The following SEZ6 variants were observed in gnomAD, a reference collection of about 807,000 sequenced individuals.
SEZ6 encodes the protein seizure protein 6 homolog.
In SEZ6, 53 loss-of-function variants were observed where a neutral mutation model predicts 101.0. The observed-to-expected ratio is 0.52, with a 90% CI of 0.42 to 0.66. The LOEUF is 0.66. Among genes scored for constraint, SEZ6 ranks in the 30% least tolerant of loss-of-function variants. SEZ6 has a pLI of 0.00. For missense variants in SEZ6, 1,102 were observed against 1,289.4 expected (o/e 0.85, Z 2.23); for synonymous variants, 488 against 512.2 (o/e 0.95, Z 0.64).
At position 28,969,746 on chromosome 17, in the gene SEZ6, C is replaced by G. The variant is rs563638450; in HGVS notation, c.1054+11G>C. 1.5e-4 allele frequency: 219 copies of G among 1,475,936 alleles called. 1 individual carries two copies. In the East Asian group the frequency reaches 5.6e-3, roughly 38 times the overall value. The allele number at this position is 1,475,936 out of a possible 1,614,324, so 91.4% of individuals were successfully genotyped here. ...CTGGGCTGGTTCCACCTTCAACTAC[C>G]CAGGCCTTACCTTGGTAATGGAAAT... On this transcript the variant is annotated intron_variant, in intron 4 of 16. Transcript: ENST00000317338.
Position 29,005,645 on chromosome 17 carries a change from C to T in SEZ6, c.55+170G>A, listed in dbSNP as rs2041678202. On this transcript the variant is annotated intron_variant, in intron 1 of 16. Transcript: ENST00000317338. The surrounding 1 kb of genome is among the most constrained non-coding windows in gnomAD (Gnocchi z 4.8). ...GGGAGCCGCGGCAGCTTCCCGCCCG[C>T]GAAGCCCGCGCCCCGCCCGGCTTGG... 6.6e-6 allele frequency among the ~76,000 whole-genome samples: 1 copy of T among 151,180 alleles called. No individual in the cohort carries two copies. The highest frequency in any genetic ancestry group is 2.1e-4 in the South Asian group (1 of 4,832).
chr17:28,990,896 T>C (rs1249903968), intron 1 of SEZ6, among the ~76,000 whole-genome samples: 1 of 150,574 alleles, frequency 6.6e-6, no homozygotes, highest in African/African-American at 2.4e-5. Context: ...TGGTCTCTCA[T>C]TTATTTATTT....
upstream of SEZ6, chr17:29,006,156 T>C (rs567369477): frequency 7.6e-4 from 195 of 257,218 alleles, 1 homozygote; most frequent in African/African-American, 3.9e-3. Context: ...GAGCCCAGGC[T>C]CCCGCTCCAC....
intron 4 of SEZ6, among the ~76,000 whole-genome samples, chr17:28,966,078 G>A (rs897321734): frequency 2.0e-5 from 3 of 151,836 alleles, no homozygotes; most frequent in East Asian, 1.9e-4. Flanking sequence ...GGGAGATGGA[G>A]GTTGCAGTGA....
chr17:28,982,298 A>G (rs2041320066), intron 1 of SEZ6, among the ~76,000 whole-genome samples: 2 of 152,130 alleles, frequency 1.3e-5, no homozygotes, highest in Non-Finnish European at 2.9e-5. Context: ...ACTATTTCCT[A>G]CTGTTCTCAG....
intron 1 of SEZ6, among the ~76,000 whole-genome samples, chr17:28,996,830 C>T (rs184835683): frequency 7.2e-5 from 11 of 152,300 alleles, no homozygotes; most frequent in Admixed American, 7.2e-4. Context: ...TCCCTTGTCT[C>T]CACCTTGTTT....
chr17:28,959,613 C>T lies in SEZ6; in HGVS notation c.1771+85G>A, dbSNP rs891046333. On this transcript the variant is annotated intron_variant, in intron 8 of 16. Coordinates refer to ENST00000317338, the MANE Select transcript of SEZ6 (RefSeq NM_178860.5). This position sits in a 1 kb window ranked among gnomAD's most constrained non-coding sequence, Gnocchi z 4.4. The stretch of plus-strand genomic sequence containing the variant: ...AGCCTGAACCACGCATATCACAGGG[C>T]CCCTGTGGCCCCGGGCTCTGCTGCT... 14 of 1,529,262 alleles carry T rather than the reference C, an allele frequency of 9.2e-6. No individual in the cohort carries two copies. The highest frequency in any genetic ancestry group is 2.7e-5 in the African/African-American group (2 of 72,942). 94.7% of individuals were successfully genotyped at this position (1,529,262 alleles called of 1,614,324 possible).
At chr17:28,979,315 A>G (rs2041265651) in intron 3 of SEZ6, among the ~76,000 whole-genome samples, 1 of 152,132 alleles carries the variant, frequency 6.6e-6, no homozygotes, top group Admixed American at 6.5e-5. Flanking sequence ...ACCCAGAGGA[A>G]CTGCTCAGAG....
At chr17:29,000,171 C>T (rs1289154579) in intron 1 of SEZ6, among the ~76,000 whole-genome samples, 1 of 152,194 alleles carries the variant, frequency 6.6e-6, no homozygotes, top group Non-Finnish European at 1.5e-5. Context: ...ATTGTTGTTG[C>T]TATTATTTGG....
chr17:28,990,344 G>A lies in SEZ6; in HGVS notation c.56-8305C>T, dbSNP rs1333293245. ...AGTGGCATGGTCTTGGCTTGCTGCAGCCTTGACCTCCCAGGCTCAGGTGAT... is the reference window on the plus strand; with the variant it reads ...AGTGGCATGGTCTTGGCTTGCTGCAACCTTGACCTCCCAGGCTCAGGTGAT... On this transcript the variant is annotated intron_variant, in intron 1 of 16. Transcript: ENST00000317338. 2.0e-5 allele frequency among the ~76,000 whole-genome samples: 3 copies of A among 151,946 alleles called. No homozygotes were observed. The East Asian group carries it at 5.8e-4, about 29-fold the overall frequency.
chr17:28,988,542 C>T (rs2041414609), intron 1 of SEZ6, among the ~76,000 whole-genome samples: 1 of 152,234 alleles, frequency 6.6e-6, no homozygotes, highest in East Asian at 1.9e-4. Flanking sequence ...GGCCATGCCC[C>T]ATCACAGCCC....
chr17:29,001,975 CAG>C (rs1260376259), intron 1 of SEZ6, among the ~76,000 whole-genome samples: 1 of 152,192 alleles, frequency 6.6e-6, no homozygotes, highest in African/African-American at 2.4e-5. Flanking sequence ...CCAGAGAGGA[CAG>C]GGGTATATGT....
intron 3 of SEZ6, among the ~76,000 whole-genome samples, chr17:28,972,852 G>A (rs1162747138): frequency 1.3e-5 from 2 of 152,228 alleles, no homozygotes; most frequent in Non-Finnish European, 2.9e-5. Flanking sequence ...CAGGGAAAGT[G>A]CCTGAAGCAG....
intron 3 of SEZ6, among the ~76,000 whole-genome samples, chr17:28,975,674 C>G (rs932768323): frequency 2.0e-5 from 3 of 152,226 alleles, no homozygotes; most frequent in Admixed American, 2.0e-4. Flanking sequence ...AGAAATTCCA[C>G]CCAACTGACC....
chr17:28,974,023 A>C (rs948761734), intron 3 of SEZ6, among the ~76,000 whole-genome samples: 2 of 152,160 alleles, frequency 1.3e-5, no homozygotes, highest in African/African-American at 4.8e-5. Context: ...GGAGGTGGGA[A>C]GGATTCAGGT....
At chr17:28,972,167 G>A (rs2041160323) in intron 3 of SEZ6, among the ~76,000 whole-genome samples, 1 of 152,214 alleles carries the variant, frequency 6.6e-6, no homozygotes. Flanking sequence ...CCCAGGCTAG[G>A]CCAGCAGTCC....
intron 1 of SEZ6, among the ~76,000 whole-genome samples, chr17:28,984,022 T>C (rs2041345402): frequency 6.6e-6 from 1 of 152,176 alleles, no homozygotes; most frequent in Non-Finnish European, 1.5e-5. Context: ...TCAGAGGAGC[T>C]TGGGCACCCC....
rs1220031349 is a variant in SEZ6 at position 28,959,731 on chromosome 17, G to C, written c.1738C>G (p.Pro580Ala). 1 of 1,606,852 alleles carries C rather than the reference G, an allele frequency of 6.2e-7. No individual in the cohort carries two copies. The highest frequency in any genetic ancestry group is 1.7e-5 in the Admixed American group (1 of 59,754). ...IIIECVDPHD[P>A]QWNETEPACR... is the part of the protein sequence containing the mutation. ...GCTGGCTCTGTCTCATTCCACTGGG[G>C]GTCGTGGGGGTCAACACACTCGATG... Residue 580 changes from proline (P) to alanine (A), a missense_variant, in exon 8 of 17, where the codon CCC becomes GCC. Transcript: ENST00000317338. This position sits in a 1 kb window ranked among gnomAD's most constrained non-coding sequence, Gnocchi z 4.4.
intron 3 of SEZ6, among the ~76,000 whole-genome samples, chr17:28,974,004 T>A (rs2041187249): frequency 6.6e-6 from 1 of 152,156 alleles, no homozygotes; most frequent in South Asian, 2.1e-4. Context: ...GCTGGCCCTT[T>A]CCAGGATGGG....
Sources: allele counts gnomAD v4.1 joint callset (sites outside exome capture counted in the v4.1 genomes callset), GRCh38; gene constraint gnomAD v4.1.1; non-coding constraint Gnocchi (gnomAD v3.1); transcripts MANE v1.5; gene names NCBI Gene and HGNC (gene_info 2026-07-23, HGNC 2026-07-21).